The following ANKRD36C variants were observed in gnomAD, a reference collection of about 807,000 sequenced individuals.
The protein encoded by ANKRD36C is ankyrin repeat domain 36C.
A neutral mutation model predicts 276.4 loss-of-function variants in ANKRD36C; 61 were observed. The observed-to-expected ratio is 0.22, with a 90% CI of 0.18 to 0.27. The LOEUF is 0.27. Ranked by LOEUF, ANKRD36C falls within the 10% of genes least tolerant of loss-of-function variation. ANKRD36C has a pLI of 1.00. For missense variants in ANKRD36C, 1,447 were observed against 2,032.3 expected (o/e 0.71, Z 5.54); for synonymous variants, 483 against 680.1 (o/e 0.71, Z 4.51).
At chr2:95,930,908 T>C (rs1376965470) in intron 24 of ANKRD36C, among the ~76,000 whole-genome samples, 1 of 151,592 alleles carries the variant, frequency 6.6e-6, no homozygotes, top group East Asian at 1.9e-4. Flanking sequence ...AATGAGACCC[T>C]GTGGGTTACC....
rs750287259 is a variant in ANKRD36C, at chr2:95,853,838, T to C, written c.5019A>G (p.Gln1673=). 3.0e-4 allele frequency: 489 copies of C among 1,608,780 alleles called. No homozygotes were observed. The highest frequency in any genetic ancestry group is 3.9e-4 in the Non-Finnish European group (457 of 1,178,268). ...GTTTGTTTAAGACATCATCTTGTTT[T>C]TGTTGAAGCTGTCTCACAGCTACCT... is the stretch of plus-strand genomic sequence containing the variant. The change falls in exon 64 of 67, where the codon CAA becomes CAG. Residue 1673 remains glutamine (Q), a synonymous_variant. Transcript: ENST00000456556.
chr2:95,853,848 T>C (rs755955063), exon 64 of ANKRD36C: 1 of 1,608,446 alleles, frequency 6.2e-7, no homozygotes, highest in Admixed American at 1.7e-5. Flanking sequence ...TTGTTGAAGC[T>C]GTCTCACAGC....
chr2:95,922,064 G>A (rs1455139545), intron 32 of ANKRD36C, among the ~76,000 whole-genome samples: 1 of 151,566 alleles, frequency 6.6e-6, no homozygotes, highest in Non-Finnish European at 1.5e-5. Context: ...AAATCAGTGT[G>A]AATATCAAAA....
intron 8 of ANKRD36C, 82 bp from the exon 9 acceptor site, chr2:95,960,749 G>C (rs1678440774): frequency 4.7e-6 from 3 of 637,340 alleles, no homozygotes; most frequent in Non-Finnish European, 7.9e-6. Flanking sequence ...TTACCATCAA[G>C]CTGTATCCTC....
At chr2:95,917,798 G>T (rs556822051) in intron 36 of ANKRD36C, 57 bp downstream of exon 38, 1 of 1,547,740 alleles carries the variant, frequency 6.5e-7, no homozygotes, top group Admixed American at 2.0e-5. Context: ...ATTCAGGGTA[G>T]AGAAGTTCTT....
chr2:95,909,416 C>A (rs1676846816), intron 42 of ANKRD36C, among the ~76,000 whole-genome samples: 1 of 73,696 alleles, frequency 1.4e-5, no homozygotes, highest in Admixed American at 1.8e-4. Context: ...TTTTGACATA[C>A]ATATACAAAG....
At position 95,908,617 on chromosome 2, in the gene ANKRD36C, T is replaced by C. The variant is rs142013939; in HGVS notation, c.2653+3627A>G. ...TGCAATAATAAATTAATAAAGTATG[T>C]TTCATAGACTATACATTTACTAGTT... is the stretch of plus-strand genomic sequence containing the variant. On this transcript the variant is annotated intron_variant, in intron 42 of 66. Coordinates refer to ENST00000456556, the Ensembl canonical transcript of ANKRD36C. The C allele has an allele frequency of 6.2e-3, 9,711 of 1,562,312 alleles. 656 individuals carry two copies. The East Asian group carries it at 0.16, about 26-fold the overall frequency.
chr2:95,975,214 TATAGATTCA>T (rs890251863), intron 6 of ANKRD36C, among the ~76,000 whole-genome samples: 1 of 152,188 alleles, frequency 6.6e-6, no homozygotes, highest in African/African-American at 2.4e-5. Context: ...CAAGGTAATT[TATAGATTCA>T]ATGCCATCCC....
chr2:95,918,005 T>C lies in ANKRD36C; in HGVS notation c.2274+9A>G, dbSNP rs186684506. 42 of 1,599,442 alleles carry C rather than the reference T, an allele frequency of 2.6e-5. 1 individual carries two copies. The East Asian group carries it at 8.5e-4, about 32-fold the overall frequency. On this transcript the variant is annotated intron_variant, in intron 35 of 66. Transcript: ENST00000456556. ...TCATAGAATACAATGTAAATGAGAG[T>C]TTAATTACCTTCAAGGCTGGTTGTT... is the stretch of plus-strand genomic sequence containing the variant.
intron 19 of ANKRD36C, among the ~76,000 whole-genome samples, chr2:95,941,884 A>T (rs1254705801): frequency 1.3e-5 from 2 of 152,286 alleles, no homozygotes; most frequent in African/African-American, 4.8e-5. Context: ...CAGTAATAAG[A>T]TACGAGAAAT....
intron 66 of ANKRD36C, 124 bp downstream of exon 86, chr2:95,851,570 T>C (rs1675292304): frequency 3.5e-6 from 3 of 863,964 alleles, no homozygotes; most frequent in Middle Eastern, 6.9e-4. Context: ...TATATGCAAA[T>C]ATTCCAAAAT....
exon 49 of ANKRD36C, chr2:95,888,110 C>T: frequency 6.2e-7 from 1 of 1,608,990 alleles, no homozygotes; most frequent in Non-Finnish European, 8.5e-7. Context: ...CTGGTTGTTT[C>T]TGAGAAGACA....
Position 95,965,979 on chromosome 2 carries a change from T to G in ANKRD36C, c.800-3432A>C, listed in dbSNP as rs575517079. On this transcript the variant is annotated intron_variant, in intron 6 of 66. Coordinates refer to ENST00000456556, the Ensembl canonical transcript of ANKRD36C. ...TTTAAAAAAAATTTAATTCAAGTTC[T>G]TGGTTACATGTCGTCAATAAGTTTT... Among the ~76,000 whole-genome samples, 21 of 152,310 alleles carry G rather than the reference T, an allele frequency of 1.4e-4. 2 individuals are homozygous for G. In the East Asian group the frequency reaches 2.7e-3, roughly 20 times the overall value.
chr2:95,866,931 G>A (rs552042923), intron 60 of ANKRD36C, among the ~76,000 whole-genome samples: 2 of 152,310 alleles, frequency 1.3e-5, no homozygotes, highest in South Asian at 4.1e-4. Context: ...GGCACTGGCT[G>A]TGACACAGAG....
chr2:95,927,227 T>C (rs765871912), exon 28 of ANKRD36C: 36 of 1,610,094 alleles, frequency 2.2e-5, no homozygotes, highest in Non-Finnish European at 3.0e-5. Context: ...TCCCAGATTG[T>C]TGTCCCTCCT....
At chr2:95,915,893 C>T (rs1038536637) in intron 38 of ANKRD36C, 87 bp downstream of exon 40, 187 of 1,471,482 alleles carry the variant, frequency 1.3e-4, no homozygotes, top group Middle Eastern at 4.8e-4. Context: ...GAATGTGCAG[C>T]TTCGACCAGC....
intron 42 of ANKRD36C, among the ~76,000 whole-genome samples, chr2:95,902,562 T>C (rs574291813): frequency 3.3e-5 from 5 of 149,942 alleles, no homozygotes; most frequent in African/African-American, 1.2e-4. Flanking sequence ...CTATACTTCC[T>C]CTCTTTCTCC....
intron 8 of ANKRD36C, among the ~76,000 whole-genome samples, chr2:95,961,700 T>C (rs1678464867): frequency 6.6e-6 from 1 of 152,048 alleles, no homozygotes. Flanking sequence ...CAAAGAGGGG[T>C]AATGTGTCAC....
chr2:95,912,282 A>G, exon 42 of ANKRD36C: 1 of 1,563,016 alleles, frequency 6.4e-7, no homozygotes, highest in Non-Finnish European at 8.7e-7. Flanking sequence ...TTCTCTGGTT[A>G]TATTCGAAAA....
Sources: gnomAD v4.1 joint callset for allele counts (sites outside exome capture counted in the v4.1 genomes callset) on GRCh38, gnomAD v4.1.1 for gene constraint, MANE v1.5 for transcripts, NCBI Gene and HGNC (gene_info 2026-07-23, HGNC 2026-07-21) for gene names.